PDZD7: variants seen among roughly 807,000 people sequenced by gnomAD.
PDZD7 encodes the protein PDZ domain-containing protein 7.
In PDZD7, 72 loss-of-function variants were observed where a neutral mutation model predicts 84.7. That is an observed-to-expected ratio of 0.85 (90% CI 0.70 to 1.03). The LOEUF is 1.03. Ranked by LOEUF, PDZD7 falls within the 50% of genes least tolerant of loss-of-function variation. PDZD7 has a pLI of 0.00. For synonymous variants in PDZD7, 594 were observed against 580.7 expected (o/e 1.02, Z -0.33); for missense variants, 1,490 against 1,412.9 (o/e 1.05, Z -0.87).
chr10:101,010,319 C>T lies in PDZD7; in HGVS notation c.2570G>A (p.Ser857Asn). The change falls in exon 15 of 17, where the codon AGT becomes AAT. Residue 857 changes from serine to asparagine, a missense_variant. Transcript: ENST00000619208. ...TAKEAAMKNP[S>N]GELKTVTLSK... ...CAGTGTCACTGTCTTCAGCTCGCCA[C>T]TGGGGTTCTTCATGGCTGCCTCCTT... is the stretch of plus-strand genomic sequence containing the variant. 1 of 1,536,148 alleles carries T rather than the reference C, an allele frequency of 6.5e-7. No homozygotes were observed. The highest frequency in any genetic ancestry group is 8.7e-7 in the Non-Finnish European group (1 of 1,146,758).
chr10:101,011,624 C>G (rs1852395246), intron 14 of PDZD7, 66 bp downstream of exon 14: 34 of 1,524,764 alleles, frequency 2.2e-5, no homozygotes, highest in Non-Finnish European at 2.6e-5. Context: ...AAGTAGAAGG[C>G]CCATCCTCCT....
Position 101,020,724 on chromosome 10 carries a change from G to A in PDZD7, c.868-46C>T, listed in dbSNP as rs1433925155. ...ATAGGAGGGAAGGGGGAGCAGTGAG[G>A]AGGGAGAGTGAGAATGGGGCGGGGG... On this transcript the variant is annotated intron_variant, in intron 6 of 16. Coordinates refer to ENST00000619208, the MANE Select transcript of PDZD7 (RefSeq NM_001195263.2). 1.2e-5 allele frequency: 17 copies of A among 1,461,458 alleles called. 1 individual carries two copies. The South Asian group carries it at 1.8e-4, about 16-fold the overall frequency. The allele number at this position is 1,461,458 out of a possible 1,614,324, so 90.5% of individuals were successfully genotyped here.
chr10:101,016,855 C>T (rs567468265), intron 9 of PDZD7, among the ~76,000 whole-genome samples: 31 of 152,154 alleles, frequency 2.0e-4, no homozygotes, highest in Admixed American at 5.2e-4. Context: ...GATGCACTGA[C>T]GGAGAGGGGC....
chr10:101,010,945 T>C lies in PDZD7; in HGVS notation c.2006-62A>G, dbSNP rs1040378788. The C allele has an allele frequency of 3.4e-6, 5 of 1,485,012 alleles. No homozygotes were observed. The African/African-American group carries it at 8.0e-5, about 24-fold the overall frequency. The allele number at this position is 1,485,012 out of a possible 1,614,324, so 92.0% of individuals were successfully genotyped here. On this transcript the variant is annotated intron_variant, in intron 14 of 16. Coordinates refer to ENST00000619208, the MANE Select transcript of PDZD7 (RefSeq NM_001195263.2). Reference sequence around the variant, plus strand: ...CCCTCTCCAGGACCCAGGCCTTGCTTTGGTTTGTGTGGGGCCTGTGAGAGC... The same window carrying C: ...CCCTCTCCAGGACCCAGGCCTTGCTCTGGTTTGTGTGGGGCCTGTGAGAGC...
At chr10:101,028,712 C>A (rs569250246) in intron 2 of PDZD7, among the ~76,000 whole-genome samples, 26 of 152,052 alleles carry the variant, frequency 1.7e-4, no homozygotes, top group Non-Finnish European at 3.2e-4. Flanking sequence ...TAGCATAGTT[C>A]TTTTAATAGA....
In PDZD7 at chr10:101,007,693, CTTGT is replaced by C. The variant is rs1458828009; in HGVS notation, c.*770_*773del. ...GACCAAAGGAAGAACTCAGAAATGT[CTTGT>C]TTATTTGTGTTTGTGACCAAGCAGC... On this transcript the variant is annotated 3_prime_UTR_variant, in exon 17 of 17. Coordinates refer to ENST00000619208, the MANE Select transcript of PDZD7 (RefSeq NM_001195263.2). The C allele has an allele frequency of 1.9e-6, 2 of 1,042,902 alleles. No individual in the cohort carries two copies. The highest frequency in any genetic ancestry group is 2.1e-4 in the East Asian group (2 of 9,562). 64.6% of individuals were successfully genotyped at this position (1,042,902 alleles called of 1,614,324 possible). A position where few individuals can be genotyped will look rare whatever the true frequency, so the allele number is the denominator to read the frequency against.
At chr10:101,009,766 T>G (rs1852334397) in intron 15 of PDZD7, among the ~76,000 whole-genome samples, 7 of 151,024 alleles carry the variant, frequency 4.6e-5, no homozygotes, top group Admixed American at 4.6e-4. Flanking sequence ...TGCCAACATG[T>G]CAGGCTAATT....
intron 7 of PDZD7, among the ~76,000 whole-genome samples, chr10:101,019,917 C>T (rs1282646312): frequency 1.1e-4 from 16 of 149,720 alleles, no homozygotes; most frequent in African/African-American, 3.4e-4. Context: ...TAAGCCACCG[C>T]GCCAGGCTTT....
chr10:101,017,642 T>C (rs1476305152), intron 9 of PDZD7: 7 of 700,836 alleles, frequency 1.0e-5, no homozygotes, highest in Non-Finnish European at 1.8e-5. Flanking sequence ...AAAAATTAGC[T>C]GAGCATGGTG....
In PDZD7 at chr10:101,015,701, G is replaced by A; in HGVS notation, c.1684C>T (p.Gln562Ter). Residue 562 changes from glutamine (Q) to a stop codon, truncating the protein, a stop_gained, in exon 11 of 17, where the codon CAG (glutamine) becomes TAG (stop). Coordinates refer to ENST00000619208, the MANE Select transcript of PDZD7 (RefSeq NM_001195263.2). LOFTEE classifies it high-confidence loss of function. ...GTCAGCAGCCTCTGGGCCAGGTCCT[G>A]AATGAGGGGCCGCCGGCTCTCCCAG... ...QAWESRRPLI[Q>*]DLAQRLLTDD... The A allele has an allele frequency of 3.9e-6, 6 of 1,550,438 alleles. No homozygotes were observed. The highest frequency in any genetic ancestry group is 5.2e-6 in the Non-Finnish European group (6 of 1,146,968).
chr10:101,009,482 T>A, intron 15 of PDZD7, 132 bp from the exon 16 acceptor site: 1 of 726,074 alleles, frequency 1.4e-6, no homozygotes, highest in Non-Finnish European at 2.4e-6. Flanking sequence ...CTGTTACTAC[T>A]CAAATCTCAA....
chr10:101,010,195 C>A, intron 15 of PDZD7, 77 bp downstream of exon 15: 1 of 1,449,250 alleles, frequency 6.9e-7, no homozygotes, highest in Non-Finnish European at 9.1e-7. Flanking sequence ...GCGCCTGGCC[C>A]AATACTCCTC....
At chr10:101,025,751 G>A (rs865859208) in intron 2 of PDZD7, among the ~76,000 whole-genome samples, 17 of 150,278 alleles carry the variant, frequency 1.1e-4, no homozygotes, top group Non-Finnish European at 1.3e-4. Flanking sequence ...GTTTCACCGT[G>A]TTGGCCAGGA....
intron 16 of PDZD7, among the ~76,000 whole-genome samples, 192 bp from the exon 17 acceptor site, chr10:101,009,042 G>T (rs1449226351): frequency 1.3e-5 from 2 of 152,146 alleles, no homozygotes; most frequent in Admixed American, 6.5e-5. Flanking sequence ...AGGGCTCTTT[G>T]TCCCTTGGGG....
Position 101,018,835 on chromosome 10 carries a change from A to G in PDZD7, c.1311T>C (p.Tyr437=). The G allele has an allele frequency of 6.3e-7, 1 of 1,599,496 alleles. No homozygotes were observed. Among genetic ancestry groups the G allele is most frequent in the Non-Finnish European group, 8.5e-7 (1 of 1,171,686 alleles). Residue 437 remains tyrosine, a synonymous_variant, in exon 8 of 17, where the codon TAT becomes TAC. Coordinates refer to ENST00000619208, the MANE Select transcript of PDZD7 (RefSeq NM_001195263.2). ...PRPPITRSQS[Y]LTLWEEKQQR... ...TCCCCCACGTACCCCACAAGGTCAG[A>G]TAGCTCTGGGAGCGCGTGATGGGGG...
At chr10:101,021,155 G>GA (rs1486639923) in intron 6 of PDZD7, among the ~76,000 whole-genome samples, 1 of 152,028 alleles carries the variant, frequency 6.6e-6, no homozygotes, top group Non-Finnish European at 1.5e-5. Flanking sequence ...GAAGGAAAAG[G>GA]AAAAATGGGA....
Position 101,016,409 on chromosome 10 carries a change from A to G in PDZD7, c.1541T>C (p.Val514Ala). 1 of 1,550,670 alleles carries G rather than the reference A, an allele frequency of 6.4e-7. No homozygotes were observed. Residue 514 changes from valine (V) to alanine (A), a missense_variant, in exon 10 of 17, where the codon GTA (valine) becomes GCA (alanine). By Grantham distance (64) the Val-to-Ala change is moderately conservative. Coordinates refer to ENST00000619208, the MANE Select transcript of PDZD7 (RefSeq NM_001195263.2). ...DIEKAGGVGP[V>A]QKFVTWRLRR... ...CAGTCTCCAGGTGACAAACTTCTGT[A>G]CCGGGCCCACGCCCCCTGCTATGAA...
chr10:101,021,795 C>T lies in PDZD7; in HGVS notation c.867+3G>A. 1 of 1,614,198 alleles carries T rather than the reference C, an allele frequency of 6.2e-7. No individual in the cohort carries two copies. The highest frequency in any genetic ancestry group is 8.5e-7 in the Non-Finnish European group (1 of 1,180,042). ...CTCTCCCTACCCCCACTGTTCTGCCCACCTTGATGGTCAGCATGATGTGCG... is the reference window on the plus strand; with the variant it reads ...CTCTCCCTACCCCCACTGTTCTGCCTACCTTGATGGTCAGCATGATGTGCG... On this transcript the variant is annotated splice_donor_region_variant and intron_variant, in intron 6 of 16. Coordinates refer to ENST00000619208, the MANE Select transcript of PDZD7 (RefSeq NM_001195263.2).
chr10:101,030,042 C>T lies in PDZD7; in HGVS notation c.178G>A (p.Ala60Thr). ...LLNGPPRGIR[A>T]SSPMGRVILI... ...ATGACGCGTCCCATGGGCGATGAGG[C>T]TCGGATTCCGCGGGGGGGCCCGTTC... Residue 60 changes from alanine (A) to threonine (T), a missense_variant, in exon 2 of 17, where the codon GCC becomes ACC. Transcript: ENST00000619208. 6.2e-7 allele frequency: 1 copy of T among 1,609,118 alleles called. No homozygotes were observed. The highest frequency in any genetic ancestry group is 8.5e-7 in the Non-Finnish European group (1 of 1,177,634).
Sources: allele counts gnomAD v4.1 joint callset (sites outside exome capture counted in the v4.1 genomes callset), GRCh38; gene constraint gnomAD v4.1.1; transcripts MANE v1.5; gene names NCBI Gene and HGNC (gene_info 2026-07-23, HGNC 2026-07-21).